AMY2B: variants seen among roughly 807,000 people sequenced by gnomAD.
The protein encoded by AMY2B is alpha-amylase 2B.
Under a neutral mutation model 59.3 loss-of-function variants are expected in AMY2B, and 63 were observed. The ratio of observed to expected loss-of-function variants is 1.06; its 90% CI spans 0.87 to 1.31. AMY2B has a LOEUF of 1.31. Ranked by LOEUF, AMY2B falls within the 50% of genes most tolerant of loss-of-function variation. The pLI, the probability that AMY2B is intolerant of heterozygous loss-of-function variation, is 0.00. For synonymous variants in AMY2B, 180 were observed against 198.1 expected (o/e 0.91, Z 0.77); for missense variants, 635 against 626.7 (o/e 1.01, Z -0.14).
intron 1 of AMY2B, among the ~76,000 whole-genome samples, chr1:103,557,641 A>T (rs1274932669): frequency 6.6e-6 from 1 of 151,684 alleles, no homozygotes; most frequent in African/African-American, 2.4e-5. Context: ...TGATGGAGTT[A>T]GATTAAAAAA....
At chr1:103,570,116 T>A (rs1436116574), upstream of AMY2B, 2 of 441,182 alleles carry the variant, frequency 4.5e-6, no homozygotes, top group Non-Finnish European at 9.0e-6. Context: ...ACCAACTACC[T>A]CATGAAGATC....
At chr1:103,572,052 G>C in intron 1 of AMY2B, 58 bp from the exon 2 acceptor site, 1 of 1,606,642 alleles carries the variant, frequency 6.2e-7, no homozygotes, top group East Asian at 2.2e-5. Flanking sequence ...TTAGTTTCTA[G>C]AACATTCAAT....
chr1:103,575,197 A>G, intron 5 of AMY2B, 26 bp from the exon 6 acceptor site: 1 of 1,612,916 alleles, frequency 6.2e-7, no homozygotes, highest in Non-Finnish European at 8.5e-7. Flanking sequence ...TGATACATCA[A>G]CATATATCTT....
intron 7 of AMY2B, 84 bp from the exon 8 acceptor site, chr1:103,577,406 C>A: frequency 6.2e-7 from 1 of 1,604,380 alleles, no homozygotes; most frequent in Admixed American, 1.7e-5. Flanking sequence ...ACACAAGTAA[C>A]AGGATAGGTT....
chr1:103,575,638 A>G (rs1652323819), intron 7 of AMY2B, 98 bp downstream of exon 7: 3 of 1,526,226 alleles, frequency 2.0e-6, no homozygotes, highest in Middle Eastern at 1.8e-4. Flanking sequence ...TATTCAACAA[A>G]TAATTGATTA....
upstream of AMY2B, chr1:103,568,302 A>G (rs186815624): frequency 2.0e-5 from 3 of 152,286 alleles, no homozygotes; most frequent in Admixed American, 1.3e-4. Flanking sequence ...ATAGCATTTC[A>G]CTTACATTAC....
chr1:103,577,039 T>C (rs1364902189), intron 7 of AMY2B, among the ~76,000 whole-genome samples: 1 of 152,144 alleles, frequency 6.6e-6, no homozygotes, highest in Non-Finnish European at 1.5e-5. Flanking sequence ...GTTCAAGACC[T>C]ATCTGGGCAA....
At chr1:103,564,585 A>G (rs1253311113) in intron 1 of AMY2B, among the ~76,000 whole-genome samples, 1 of 151,894 alleles carries the variant, frequency 6.6e-6, no homozygotes, top group Non-Finnish European at 1.5e-5. Context: ...TTCATCCAAT[A>G]TCTTTTTTGG....
chr1:103,574,179 C>T, intron 4 of AMY2B, 81 bp from the exon 5 acceptor site: 3 of 1,584,086 alleles, frequency 1.9e-6, no homozygotes, highest in African/African-American at 1.4e-5. Flanking sequence ...TTAAAGCTAT[C>T]TTTTATATAA....
intron 7 of AMY2B, 110 bp from the exon 8 acceptor site, chr1:103,577,380 G>A (rs1315155129): frequency 6.3e-6 from 10 of 1,575,494 alleles, no homozygotes; most frequent in Non-Finnish European, 7.8e-6. Context: ...TCTAGATAAA[G>A]TCATTGAATG....
chr1:103,557,141 TGC>T lies in AMY2B; in HGVS notation c.-207+2041_-207+2042del, dbSNP rs755429064. Among the ~76,000 whole-genome samples the T allele has an allele frequency of 9.0e-4, 136 of 150,536 alleles. 1 individual carries two copies. Among genetic ancestry groups the T allele is most frequent in the African/African-American group, 3.2e-3 (131 of 40,450 alleles). ...AAAGCTAATAGGAAATCTTAAAGCG[TGC>T]GCGCGCGCACACACACACACACACA... On this transcript the variant is annotated intron_variant, in intron 1 of 11. Transcript: ENST00000361355.
intron 1 of AMY2B, among the ~76,000 whole-genome samples, chr1:103,561,468 A>T (rs533039554): frequency 2.6e-5 from 4 of 152,136 alleles, no homozygotes; most frequent in African/African-American, 9.6e-5. Context: ...GGGTTTTGCT[A>T]TGTTGGCCAG....
chr1:103,567,898 C>G (rs1461681926), upstream of AMY2B, among the ~76,000 whole-genome samples: 1 of 152,170 alleles, frequency 6.6e-6, no homozygotes, highest in East Asian at 1.9e-4. Context: ...TTTCCTCTAT[C>G]TGTTGCTCTT....
At chr1:103,571,057 C>A, upstream of AMY2B, 1 of 556,308 alleles carries the variant, frequency 1.8e-6, no homozygotes, top group Non-Finnish European at 2.4e-6. Context: ...TGGGATTTGT[C>A]TACAGGCTGG....
chr1:103,573,460 T>G (rs1652217921), intron 3 of AMY2B, among the ~76,000 whole-genome samples, 200 bp downstream of exon 3: 1 of 152,146 alleles, frequency 6.6e-6, no homozygotes, highest in Admixed American at 6.6e-5. Flanking sequence ...AATACACATT[T>G]GCCCACTTTT....
At chr1:103,571,434 C>A, upstream of AMY2B, 1 of 1,408,006 alleles carries the variant, frequency 7.1e-7, no homozygotes, top group Non-Finnish European at 9.6e-7. Context: ...CCATGAGAGA[C>A]TTTTTAATGT....
chr1:103,573,382 G>T, intron 3 of AMY2B, 122 bp downstream of exon 3: 1 of 1,505,042 alleles, frequency 6.6e-7, no homozygotes, highest in East Asian at 2.3e-5. Flanking sequence ...CAGGTTAACA[G>T]GTTTGACTAC....
chr1:103,575,521 G>C lies in AMY2B; in HGVS notation c.1082G>C (p.Arg361Thr), dbSNP rs1171955418. The C allele has an allele frequency of 8.1e-6, 13 of 1,613,556 alleles. No homozygotes were observed. In the East Asian group the frequency reaches 2.5e-4, roughly 30 times the overall value. Residue 361 changes from arginine (R) to threonine (T), a missense_variant, in exon 7 of 10, where the codon AGA (arginine) becomes ACA (threonine). Coordinates refer to ENST00000684275, the MANE Select transcript of AMY2B (RefSeq NM_001387437.1). ...GTAATGTCAAGCTACCGTTGGCCAA[G>C]ACAGTTTCAAAATGGAAACGTAAGT... The part of the protein sequence containing the change: ...TRVMSSYRWP[R>T]QFQNGNDVND...
At chr1:103,572,390 A>C in intron 2 of AMY2B, 134 bp downstream of exon 2, 1 of 1,447,222 alleles carries the variant, frequency 6.9e-7, no homozygotes, top group East Asian at 2.4e-5. Context: ...AAAACTCAAA[A>C]TTAACCGTTG....
Sources: allele counts gnomAD v4.1 joint callset (sites outside exome capture counted in the v4.1 genomes callset), GRCh38; gene constraint gnomAD v4.1.1; transcripts MANE v1.5; gene names NCBI Gene and HGNC (gene_info 2026-07-23, HGNC 2026-07-21).